Variants in SNX29 observed in about 807,000 individuals in gnomAD.
SNX29 encodes sorting nexin-29.
SNX29 carries 78 observed loss-of-function variants against 102.1 expected under a neutral mutation model. The observed-to-expected ratio is 0.76, with a 90% CI of 0.64 to 0.92. The LOEUF (loss-of-function observed/expected upper bound fraction) is 0.92. Among genes scored for constraint, SNX29 ranks in the 40% least tolerant of loss-of-function variants. SNX29 has a pLI of 0.00. For missense variants in SNX29, 1,280 were observed against 1,061.7 expected, an observed-to-expected ratio of 1.21 and a Z score of -2.86; for synonymous variants, 580 against 414.5, an observed-to-expected ratio of 1.40 and a Z score of -4.85.
chr16:12,547,615 C>G (rs1026287450), intron 20 of SNX29, among the ~76,000 whole-genome samples: 4 of 152,228 alleles, frequency 2.6e-5, no homozygotes, highest in African/African-American at 9.6e-5. Flanking sequence ...AGCCTCAGCA[C>G]CACTAAGCTG....
At chr16:12,024,785 G>T (rs891100626) in intron 3 of SNX29, among the ~76,000 whole-genome samples, 1 of 152,180 alleles carries the variant, frequency 6.6e-6, no homozygotes, top group African/African-American at 2.4e-5. Context: ...AGCAATTGTT[G>T]AGTTGATTGC....
chr16:12,207,629 C>T lies in SNX29; in HGVS notation c.1678+7946C>T, dbSNP rs528650599. On this transcript the variant is annotated intron_variant, in intron 14 of 20. Transcript: ENST00000566228. ...CCATCACAAACACTTTACGACCCCA[C>T]TCTTGGCTCATCCAGTCTCCTTTCC... Among the ~76,000 whole-genome samples the T allele has an allele frequency of 3.9e-5, 6 of 152,296 alleles. No individual in the cohort carries two copies. In the South Asian group the frequency reaches 1.2e-3, roughly 32 times the overall value.
At chr16:12,415,338 T>G (rs559004664) in intron 18 of SNX29, among the ~76,000 whole-genome samples, 1 of 152,334 alleles carries the variant, frequency 6.6e-6, no homozygotes, top group East Asian at 1.9e-4. Flanking sequence ...CAGGATTGCC[T>G]TGGAGTCTTG....
intron 13 of SNX29, among the ~76,000 whole-genome samples, chr16:12,168,288 G>C (rs1005926073): frequency 1.3e-5 from 2 of 152,136 alleles, no homozygotes; most frequent in African/African-American, 4.8e-5. Flanking sequence ...AGGAGCCTTT[G>C]GGGGAAGGAA....
chr16:12,481,315 G>A (rs540323950), intron 19 of SNX29, among the ~76,000 whole-genome samples: 3 of 151,804 alleles, frequency 2.0e-5, no homozygotes, highest in Admixed American at 6.6e-5. Flanking sequence ...TCCATTTCTC[G>A]CCTGTGCAGC....
chr16:11,987,817 T>C (rs1278880639), intron 1 of SNX29, among the ~76,000 whole-genome samples: 2 of 152,266 alleles, frequency 1.3e-5, no homozygotes, highest in African/African-American at 4.8e-5. Flanking sequence ...GTATCTTTTC[T>C]CATTTCCCCT....
At chr16:12,292,535 G>A (rs2079833867) in intron 15 of SNX29, among the ~76,000 whole-genome samples, 1 of 152,300 alleles carries the variant, frequency 6.6e-6, no homozygotes, top group South Asian at 2.1e-4. Context: ...GGAAGATAGA[G>A]TTTTGTCAGG....
chr16:12,448,608 G>C (rs2086167672), intron 18 of SNX29, among the ~76,000 whole-genome samples: 1 of 152,148 alleles, frequency 6.6e-6, no homozygotes, highest in South Asian at 2.1e-4. Context: ...GAAAAGAGCA[G>C]ATGACTTCTT....
At chr16:12,424,508 G>A (rs2084982115) in intron 18 of SNX29, among the ~76,000 whole-genome samples, 1 of 152,166 alleles carries the variant, frequency 6.6e-6, no homozygotes, top group Non-Finnish European at 1.5e-5. Context: ...TGCTTTGAGA[G>A]AGCTGGAGAC....
intron 18 of SNX29, among the ~76,000 whole-genome samples, chr16:12,474,232 G>A (rs1159927380): frequency 6.6e-6 from 1 of 152,216 alleles, no homozygotes; most frequent in Non-Finnish European, 1.5e-5. Context: ...CTGCCTTGCA[G>A]ATTAACTTGC....
At chr16:12,425,308 G>C (rs527809796) in intron 18 of SNX29, among the ~76,000 whole-genome samples, 7 of 152,044 alleles carry the variant, frequency 4.6e-5, no homozygotes, top group African/African-American at 1.7e-4. Flanking sequence ...TGGATGTGGC[G>C]GGTTAAGCAA....
intron 18 of SNX29, among the ~76,000 whole-genome samples, chr16:12,463,165 C>G (rs998225603): frequency 2.0e-5 from 3 of 152,218 alleles, no homozygotes; most frequent in Non-Finnish European, 4.4e-5. Flanking sequence ...GTCGCTCTGA[C>G]TTGGGGTGGA....
intron 14 of SNX29, among the ~76,000 whole-genome samples, chr16:12,263,994 A>C (rs1046991042): frequency 1.3e-5 from 2 of 152,236 alleles, no homozygotes; most frequent in Non-Finnish European, 2.9e-5. Flanking sequence ...TCCATGGAGC[A>C]TGCTTTCCGG....
At chr16:12,183,795 C>G (rs1184236831) in intron 13 of SNX29, among the ~76,000 whole-genome samples, 2 of 152,192 alleles carry the variant, frequency 1.3e-5, no homozygotes, top group African/African-American at 4.8e-5. Context: ...GCTGATAGAA[C>G]AGTTTGCAGT....
intron 1 of SNX29, among the ~76,000 whole-genome samples, chr16:11,979,158 G>A (rs1237854626): frequency 1.4e-5 from 2 of 145,600 alleles, no homozygotes; most frequent in Admixed American, 7.0e-5. Flanking sequence ...GCCTGTAATC[G>A]CAGCTACTCG....
At chr16:12,205,156 T>A (rs554671968) in intron 14 of SNX29, among the ~76,000 whole-genome samples, 43 of 152,300 alleles carry the variant, frequency 2.8e-4, no homozygotes, top group Non-Finnish European at 4.7e-4. Context: ...CAGGGGAGCT[T>A]GCAGGGTAAC....
At chr16:12,051,800 C>A in intron 7 of SNX29, 47 bp from the exon 8 acceptor site, 1 of 1,585,484 alleles carries the variant, frequency 6.3e-7, no homozygotes, top group South Asian at 1.2e-5. Context: ...ATCCTTTTGT[C>A]TTGCCTCCTT....
At chr16:12,277,587 T>A (rs2151012653) in intron 14 of SNX29, among the ~76,000 whole-genome samples, 1 of 152,308 alleles carries the variant, frequency 6.6e-6, no homozygotes, top group East Asian at 1.9e-4. Flanking sequence ...CTTTTTATTT[T>A]TTTAAGTGAC....
intron 16 of SNX29, among the ~76,000 whole-genome samples, chr16:12,389,061 C>T (rs916412422): frequency 6.6e-6 from 1 of 152,282 alleles, no homozygotes; most frequent in African/African-American, 2.4e-5. Context: ...CCAATTTTTA[C>T]ATCATAGTTT....
Sources: gnomAD v4.1 joint callset for allele counts (sites outside exome capture counted in the v4.1 genomes callset) on GRCh38, gnomAD v4.1.1 for gene constraint, MANE v1.5 for transcripts, NCBI Gene and HGNC (gene_info 2026-07-23, HGNC 2026-07-21) for gene names.